Variants in IDS observed in about 807,000 individuals in gnomAD.
IDS encodes alpha-L-iduronate sulfate sulfatase.
A neutral mutation model predicts 33.5 loss-of-function variants in IDS; 1 was observed. That is an observed-to-expected ratio of 0.03 (90% CI 0.01 to 0.14). IDS has a LOEUF of 0.14. Ranked by LOEUF, IDS falls within the 10% of genes least tolerant of loss-of-function variation. IDS has a pLI of 1.00. For synonymous variants in IDS, 191 were observed against 184.4 expected (o/e 1.04, Z -0.29); for missense variants, 328 against 448.0 (o/e 0.73, Z 2.42).
At chrX:149,501,092 C>A in intron 3 of IDS, 55 bp from the exon 4 acceptor site, 3 of 742,061 alleles carry the variant, frequency 4.0e-6, no homozygotes, top group Non-Finnish European at 6.4e-6. Context: ...CACCCCACTC[C>A]CCATAATTAA....
intron 6 of IDS, among the ~76,000 whole-genome samples, chrX:149,492,315 C>A (rs1233598003): frequency 8.9e-6 from 1 of 111,759 alleles, no homozygotes; most frequent in Non-Finnish European, 1.9e-5. Context: ...GGGGAATAAG[C>A]CCTCAAATCT....
intron 5 of IDS, among the ~76,000 whole-genome samples, chrX:149,497,577 T>C (rs1355713908): frequency 8.9e-6 from 1 of 112,423 alleles, no homozygotes; most frequent in African/African-American, 3.2e-5. Context: ...TAAAACATGA[T>C]AGGGAAAAAT....
At position 149,500,973 on chromosome X, in the gene IDS, G is replaced by A. The variant is rs2124055212; in HGVS notation, c.483C>T (p.Ser161=). Residue 161 remains serine (S), a synonymous_variant, in exon 4 of 9, where the codon TCC becomes TCT. Transcript: ENST00000340855. The part of the protein sequence containing the change: ...YSWSFPPYHP[S]SEKYENTKTC... ...CCTTAGTGTTTTCATACTTCTCAGAGGAAGGATGATAAGGTGGAAAAGACC... is the reference window on the plus strand; with the variant it reads ...CCTTAGTGTTTTCATACTTCTCAGAAGAAGGATGATAAGGTGGAAAAGACC... 8.5e-7 allele frequency: 1 copy of A among 1,175,082 alleles called. No individual in the cohort carries two copies. The highest frequency in any genetic ancestry group is 1.2e-6 in the Non-Finnish European group (1 of 862,085).
At position 149,480,598 on chromosome X, in the gene IDS, G is replaced by A. The variant is rs1187895610; in HGVS notation, c.*2148C>T. The A allele has an allele frequency of 3.6e-6, 1 of 279,848 alleles. No individual in the cohort carries two copies. Among genetic ancestry groups the A allele is most frequent in the Non-Finnish European group, 6.3e-6 (1 of 159,987 alleles). 23.1% of individuals were successfully genotyped at this position (279,848 alleles called of 1,213,427 possible). On this transcript the variant is annotated 3_prime_UTR_variant, in exon 9 of 9. Transcript: ENST00000340855. ...TGGTTCAAGCGATTCTTGTGCCTTG[G>A]CCTCCCAAGAAGCTGGGATTACAGG...
In IDS at chrX:149,505,278, C is replaced by G. The variant is rs372330255; in HGVS notation, c.-141G>C. ...GCAACACAGCCGCCGCCCGGGCCCG[C>G]AGGCCCGGGCGCTGGCCGCAGCGCG... is the stretch of plus-strand genomic sequence containing the variant. On this transcript the variant is annotated 5_prime_UTR_variant, in exon 1 of 9. Coordinates refer to ENST00000340855, the MANE Select transcript of IDS (RefSeq NM_000202.8). The G allele has an allele frequency of 4.0e-5, 13 of 326,948 alleles. No homozygotes were observed. In the South Asian group the frequency reaches 6.6e-4, roughly 17 times the overall value. The allele number at this position is 326,948 out of a possible 1,213,427, so 26.9% of individuals were successfully genotyped here.
At position 149,484,377 on chromosome X, in the gene IDS, C is replaced by T. The variant is rs150113011; in HGVS notation, c.1181-1159G>A. On this transcript the variant is annotated intron_variant, in intron 8 of 8. Coordinates refer to ENST00000340855, the MANE Select transcript of IDS (RefSeq NM_000202.8). ...CTGTCTCCAGGATGGAGTTCAGTGG[C>T]GCAATCTCGGCTCAGCTCACTGCAA... is the stretch of plus-strand genomic sequence containing the variant. Among the ~76,000 whole-genome samples the T allele has an allele frequency of 5.1e-3, 574 of 112,458 alleles. 7 individuals are homozygous for T. The highest frequency in any genetic ancestry group is 0.018 in the African/African-American group (559 of 30,952).
At chrX:149,502,901 A>C in intron 3 of IDS, 1 of 346,689 alleles carries the variant, frequency 2.9e-6, no homozygotes, top group South Asian at 4.4e-5. Context: ...TTGGGCAATA[A>C]GTCAGCAACA....
chrX:149,493,414 A>G (rs782753365), intron 6 of IDS, among the ~76,000 whole-genome samples: 4 of 112,179 alleles, frequency 3.6e-5, no homozygotes, highest in Non-Finnish European at 7.5e-5. Flanking sequence ...AAGCCTGTGT[A>G]GAGGATGGTG....
chrX:149,486,683 A>C (rs1354784074), intron 8 of IDS, among the ~76,000 whole-genome samples: 1 of 111,322 alleles, frequency 9.0e-6, no homozygotes, highest in Non-Finnish European at 1.9e-5. Context: ...ATCATCCCAC[A>C]AGGCTCCTTG....
At position 149,481,505 on chromosome X, in the gene IDS, TA is replaced by T; in HGVS notation, c.*1240del. The T allele has an allele frequency of 8.9e-6, 1 of 112,522 alleles. No individual in the cohort carries two copies. The highest frequency in any genetic ancestry group is 1.9e-5 in the Non-Finnish European group (1 of 53,291). The allele number at this position is 112,522 out of a possible 1,213,427, so 9.3% of individuals were successfully genotyped here. On this transcript the variant is annotated 3_prime_UTR_variant, in exon 9 of 9. Transcript: ENST00000340855. Reference sequence around the variant, plus strand: ...GGAGACTTTGTAAAGAGAAAATTACTAAAAATTACTCCTTCACTACAGGACA... The same window carrying T: ...GGAGACTTTGTAAAGAGAAAATTACTAAAATTACTCCTTCACTACAGGACA...
Position 149,482,536 on chromosome X carries a change from T to G in IDS, c.*210A>C. 1 of 496,638 alleles carries G rather than the reference T, an allele frequency of 2.0e-6. No homozygotes were observed. Among genetic ancestry groups the G allele is most frequent in the Non-Finnish European group, 3.2e-6 (1 of 312,223 alleles). 40.9% of individuals were successfully genotyped at this position (496,638 alleles called of 1,213,427 possible). A position where few individuals can be genotyped will look rare whatever the true frequency, so the allele number is the denominator to read the frequency against. On this transcript the variant is annotated 3_prime_UTR_variant, in exon 9 of 9. Coordinates refer to ENST00000340855, the MANE Select transcript of IDS (RefSeq NM_000202.8). Reference sequence around the variant, plus strand: ...AGAGGGAAATTAAAAAAAAAACTGGTCCAATTACCAATTATAAATTTTAAT... The same window carrying G: ...AGAGGGAAATTAAAAAAAAAACTGGGCCAATTACCAATTATAAATTTTAAT...
At position 149,482,495 on chromosome X, in the gene IDS, C is replaced by T. The variant is rs1415620782; in HGVS notation, c.*251G>A. On this transcript the variant is annotated 3_prime_UTR_variant, in exon 9 of 9. Transcript: ENST00000340855. ...CTTTGTATTTATTCAGTAAATAAGCCGTAACTGTTTTAAAAAGAGGGAAAT... is the reference window on the plus strand; with the variant it reads ...CTTTGTATTTATTCAGTAAATAAGCTGTAACTGTTTTAAAAAGAGGGAAAT... The T allele has an allele frequency of 3.6e-5, 14 of 386,645 alleles. No individual in the cohort carries two copies. Among genetic ancestry groups the T allele is most frequent in the African/African-American group, 2.9e-4 (11 of 37,340 alleles). The allele number at this position is 386,645 out of a possible 1,213,427, so 31.9% of individuals were successfully genotyped here. A position where few individuals can be genotyped will look rare whatever the true frequency, so the allele number is the denominator to read the frequency against.
At position 149,504,271 on chromosome X, in the gene IDS, G is replaced by A. The variant is rs146963087; in HGVS notation, c.126C>T (p.Ile42=). Residue 42 remains isoleucine, a synonymous_variant, in exon 2 of 9, where the codon ATC becomes ATT. Coordinates refer to ENST00000340855, the MANE Select transcript of IDS (RefSeq NM_000202.8). ...GGGAGGGGCGCAGGTCATCCACGAT[G>A]ATGAGAAGAACGTTCAGAGCATCTA... ...STTDALNVLL[I]IVDDLRPSLG... 1.9e-4 allele frequency: 233 copies of A among 1,204,651 alleles called. 1 individual carries two copies. The African/African-American group carries it at 3.4e-3, about 18-fold the overall frequency.
At chrX:149,500,593 T>C (rs1367021571) in intron 4 of IDS, among the ~76,000 whole-genome samples, 2 of 111,987 alleles carry the variant, frequency 1.8e-5, no homozygotes, top group Non-Finnish European at 3.8e-5. Flanking sequence ...CTTTCTCCCA[T>C]TCTGGGCTGA....
intron 6 of IDS, among the ~76,000 whole-genome samples, chrX:149,493,471 G>C (rs1557338946): frequency 8.9e-6 from 1 of 112,095 alleles, no homozygotes; most frequent in Non-Finnish European, 1.9e-5. Context: ...GAACAGCCCA[G>C]TGTGCACTCG....
chrX:149,487,593 G>T (rs1484735018), intron 7 of IDS, among the ~76,000 whole-genome samples: 7 of 111,951 alleles, frequency 6.3e-5, no homozygotes, highest in South Asian at 7.4e-4. Flanking sequence ...AACACACTCG[G>T]CAAATTCAAA....
At chrX:149,502,179 T>A in intron 3 of IDS, 1 of 330,506 alleles carries the variant, frequency 3.0e-6, no homozygotes, top group Non-Finnish European at 5.9e-6. Context: ...CCACAAGGGC[T>A]GCAGGGAAAG....
At chrX:149,495,759 T>A (rs1395023715) in intron 6 of IDS, 1 of 119,650 alleles carries the variant, frequency 8.4e-6, no homozygotes, top group African/African-American at 3.2e-5. Context: ...GGGTGACTGA[T>A]GAGTCAGTGT....
intron 5 of IDS, 45 bp from the exon 6 acceptor site, chrX:149,496,561 A>C (rs782773252): frequency 8.6e-7 from 1 of 1,165,800 alleles, no homozygotes; most frequent in Non-Finnish European, 1.2e-6. Context: ...TCTTTTAGCA[A>C]AAGCACAAGC....
Sources: allele counts gnomAD v4.1 joint callset (sites outside exome capture counted in the v4.1 genomes callset), GRCh38; gene constraint gnomAD v4.1.1; transcripts MANE v1.5; gene names NCBI Gene and HGNC (gene_info 2026-07-23, HGNC 2026-07-21).